Variants in NXPH1 observed in about 807,000 individuals in gnomAD.
NXPH1 encodes neurexophilin 1, also known as neurexophilin-1.
A neutral mutation model predicts 23.7 loss-of-function variants in NXPH1; 5 were observed. That is an observed-to-expected ratio of 0.21 (90% CI 0.11 to 0.44). NXPH1 has a LOEUF of 0.44. Among genes scored for constraint, NXPH1 ranks in the 20% least tolerant of loss-of-function variants. The probability of loss-of-function intolerance (pLI) is 0.99; values close to 1 mark genes in which losing one functional copy is unlikely to be tolerated. For synonymous variants in NXPH1, 144 were observed against 122.2 expected (o/e 1.18, Z -1.18); for missense variants, 324 against 321.6 (o/e 1.01, Z -0.06).
At chr7:8,586,565 G>C (rs931933463) in intron 2 of NXPH1, among the ~76,000 whole-genome samples, 3 of 151,698 alleles carry the variant, frequency 2.0e-5, no homozygotes, top group Admixed American at 1.3e-4. Context: ...GTAGAAAGGG[G>C]ATTAAGGAAC....
chr7:8,734,553 G>A (rs1780214822), intron 2 of NXPH1, among the ~76,000 whole-genome samples: 1 of 152,108 alleles, frequency 6.6e-6, no homozygotes, highest in African/African-American at 2.4e-5. Flanking sequence ...ATTTCCTTGA[G>A]CAGTGATTTG....
chr7:8,515,726 G>C (rs1817676819), intron 2 of NXPH1, among the ~76,000 whole-genome samples: 1 of 152,084 alleles, frequency 6.6e-6, no homozygotes, highest in South Asian at 2.1e-4. Context: ...TTTATTGCAG[G>C]TGTTATCATT....
At chr7:8,554,677 A>G (rs1448432765) in intron 2 of NXPH1, among the ~76,000 whole-genome samples, 2 of 151,726 alleles carry the variant, frequency 1.3e-5, no homozygotes, top group Admixed American at 6.6e-5. Context: ...GTTAAAAAAC[A>G]GAACATGGCT....
At chr7:8,593,290 G>T (rs1413937819) in intron 2 of NXPH1, among the ~76,000 whole-genome samples, 5 of 151,466 alleles carry the variant, frequency 3.3e-5, no homozygotes, top group Admixed American at 1.3e-4. Context: ...GCTATGAACT[G>T]TAGATTTTTG....
chr7:8,681,372 C>G (rs1198839236), intron 2 of NXPH1, among the ~76,000 whole-genome samples: 1 of 152,138 alleles, frequency 6.6e-6, no homozygotes. Context: ...ACAATTTACC[C>G]AGTAATGTGG....
Position 8,456,995 on chromosome 7 carries a change from C to T in NXPH1, c.54+21228C>T, listed in dbSNP as rs146855656. The stretch of plus-strand genomic sequence containing the variant: ...TGGCACAATATCTTCTAAACATTGT[C>T]CCTGGCGTCTAGGACAAAGAACCCC... On this transcript the variant is annotated intron_variant, in intron 2 of 2. Coordinates refer to ENST00000405863, the MANE Select transcript of NXPH1 (RefSeq NM_152745.3). Among the ~76,000 whole-genome samples the T allele has an allele frequency of 3.7e-3, 562 of 152,232 alleles. 3 individuals carry two copies. The highest frequency in any genetic ancestry group is 0.013 in the African/African-American group (525 of 41,558).
intron 2 of NXPH1, among the ~76,000 whole-genome samples, chr7:8,661,673 T>C (rs371733876): frequency 9.2e-5 from 14 of 152,214 alleles, no homozygotes; most frequent in African/African-American, 3.4e-4. Flanking sequence ...GTAAGCGAAA[T>C]TTATGACTTT....
chr7:8,720,136 G>A (rs1178408674), intron 2 of NXPH1, among the ~76,000 whole-genome samples: 1 of 41,488 alleles, frequency 2.4e-5, no homozygotes, highest in Non-Finnish European at 4.0e-5. Context: ...ATTGGGGAAT[G>A]CCTCTACTTG....
chr7:8,698,331 A>G (rs1162717350), intron 2 of NXPH1, among the ~76,000 whole-genome samples: 1 of 152,214 alleles, frequency 6.6e-6, no homozygotes, highest in East Asian at 1.9e-4. Flanking sequence ...CAGGAATACA[A>G]TTATTGCACA....
At chr7:8,625,268 A>G (rs1424590959) in intron 2 of NXPH1, among the ~76,000 whole-genome samples, 1 of 152,186 alleles carries the variant, frequency 6.6e-6, no homozygotes, top group African/African-American at 2.4e-5. Flanking sequence ...GTAATTTTTT[A>G]TTTCCAATTT....
chr7:8,489,672 C>T (rs1234296247), intron 2 of NXPH1, among the ~76,000 whole-genome samples: 1 of 152,060 alleles, frequency 6.6e-6, no homozygotes, highest in Non-Finnish European at 1.5e-5. Flanking sequence ...GCTCAAGATT[C>T]CTGCTTTGCT....
Position 8,632,215 on chromosome 7 carries a change from A to C in NXPH1, c.55-118793A>C, listed in dbSNP as rs535083127. 3.9e-5 allele frequency among the ~76,000 whole-genome samples: 6 copies of C among 152,308 alleles called. No individual in the cohort carries two copies. The South Asian group carries it at 6.2e-4, about 16-fold the overall frequency. ...TCCTCCAATTAATTTATTTAAAATA[A>C]ATATATTGAATTAAGAAAATCTTAT... On this transcript the variant is annotated intron_variant, in intron 2 of 2. Transcript: ENST00000405863.
chr7:8,435,799 T>C lies in NXPH1; in HGVS notation c.54+32T>C, dbSNP rs543053579. On this transcript the variant is annotated intron_variant, in intron 2 of 2. Transcript: ENST00000405863. This position sits in a 1 kb window ranked among gnomAD's most constrained non-coding sequence, Gnocchi z 5.9. ...CTTGGAAGGTTCGGGGCTTTCGCAT[T>C]TTTACCCCGGCCGGGAGGCAAGGAA... is the stretch of plus-strand genomic sequence containing the variant. 5.6e-6 allele frequency: 9 copies of C among 1,610,114 alleles called. No individual in the cohort carries two copies. The African/African-American group carries it at 1.1e-4, about 19-fold the overall frequency.
intron 2 of NXPH1, among the ~76,000 whole-genome samples, chr7:8,584,961 T>C (rs75687636): frequency 1.9e-3 from 295 of 152,330 alleles, no homozygotes; most frequent in African/African-American, 6.9e-3. Context: ...TATCTCTTTC[T>C]GTGTTAAAAA....
intron 2 of NXPH1, among the ~76,000 whole-genome samples, chr7:8,660,372 C>T (rs896683824): frequency 1.3e-5 from 2 of 152,134 alleles, no homozygotes; most frequent in Admixed American, 6.6e-5. Context: ...GCTCTTAAAA[C>T]TCTGTTAACT....
chr7:8,732,237 T>A (rs182456718), intron 2 of NXPH1, among the ~76,000 whole-genome samples: 157 of 152,330 alleles, frequency 1.0e-3, no homozygotes, highest in African/African-American at 3.7e-3. Flanking sequence ...TTGCGCCCAG[T>A]GTCTGGCACT....
At chr7:8,457,281 G>A (rs1210963223) in intron 2 of NXPH1, among the ~76,000 whole-genome samples, 1 of 152,152 alleles carries the variant, frequency 6.6e-6, no homozygotes, top group Non-Finnish European at 1.5e-5. Flanking sequence ...TCTGGTCTAT[G>A]TAGCCTAAAT....
intron 2 of NXPH1, among the ~76,000 whole-genome samples, chr7:8,592,648 A>G (rs890252717): frequency 2.6e-5 from 4 of 152,102 alleles, no homozygotes; most frequent in Middle Eastern, 3.4e-3. Context: ...CAGATAGTAA[A>G]TATTTTAGGC....
chr7:8,701,683 T>C (rs1779625310), intron 2 of NXPH1, among the ~76,000 whole-genome samples: 1 of 152,098 alleles, frequency 6.6e-6, no homozygotes, highest in Admixed American at 6.6e-5. Context: ...ATCATCTATG[T>C]AGAAGTTGGA....
Sources: gnomAD v4.1 joint callset for allele counts (sites outside exome capture counted in the v4.1 genomes callset) on GRCh38, gnomAD v4.1.1 for gene constraint, Gnocchi (gnomAD v3.1) non-coding constraint, MANE v1.5 for transcripts, NCBI Gene and HGNC (gene_info 2026-07-23, HGNC 2026-07-21) for gene names.